NLRP4: variants seen among roughly 807,000 people sequenced by gnomAD.
NLRP4 encodes NLR family pyrin domain containing 4.
Under a neutral mutation model 84.7 loss-of-function variants are expected in NLRP4, and 44 were observed. The ratio of observed to expected loss-of-function variants is 0.52; its 90% CI spans 0.41 to 0.67. The LOEUF (loss-of-function observed/expected upper bound fraction) is 0.67, where lower values mean the gene tolerates loss of function less well. Among genes scored for constraint, NLRP4 ranks in the 30% least tolerant of loss-of-function variants. NLRP4 has a pLI of 0.00. For synonymous variants in NLRP4, 544 were observed against 476.4 expected (o/e 1.14, Z -1.85); for missense variants, 1,260 against 1,219.4 (o/e 1.03, Z -0.50).
chr19:55,857,145 G>A (rs977260024), intron 2 of NLRP4, among the ~76,000 whole-genome samples: 1 of 152,112 alleles, frequency 6.6e-6, no homozygotes, highest in Non-Finnish European at 1.5e-5. Flanking sequence ...TTATTTAACT[G>A]GTCTTGATAG....
intron 5 of NLRP4, among the ~76,000 whole-genome samples, chr19:55,865,944 T>C (rs1984937745): frequency 6.6e-6 from 1 of 152,232 alleles, no homozygotes; most frequent in Non-Finnish European, 1.5e-5. Flanking sequence ...CTTTATTTTT[T>C]TCTTTTGTCT....
intron 1 of NLRP4, among the ~76,000 whole-genome samples, chr19:55,842,175 C>CT (rs1469452751): frequency 1.3e-5 from 2 of 152,132 alleles, no homozygotes. Context: ...AGTCTTTCAA[C>CT]TTTCGTTTTT....
chr19:55,861,715 GGTT>G (rs1328722924), intron 4 of NLRP4, among the ~76,000 whole-genome samples, 168 bp downstream of exon 4: 1 of 152,222 alleles, frequency 6.6e-6, no homozygotes, highest in African/African-American at 2.4e-5. Context: ...TCATCATAGG[GGTT>G]GTTCTGTGCG....
At chr19:55,851,018 C>T (rs1245756394) in intron 1 of NLRP4, among the ~76,000 whole-genome samples, 2 of 128,356 alleles carry the variant, frequency 1.6e-5, no homozygotes, top group South Asian at 2.5e-4. Flanking sequence ...TCCGTGGCTG[C>T]GGTGTAATGT....
chr19:55,849,730 C>A (rs1238166881), intron 1 of NLRP4, among the ~76,000 whole-genome samples: 1 of 152,192 alleles, frequency 6.6e-6, no homozygotes, highest in Admixed American at 6.5e-5. Context: ...TCTATATTTA[C>A]AGTGTAATTT....
At position 55,858,942 on chromosome 19, in the gene NLRP4, G is replaced by T; in HGVS notation, c.1549G>T (p.Ala517Ser). ...TAAAAAGGAACAAGAAAAACTGGATGCGTTTTTTGGCTTCCAACTGTCCCA... is the reference window on the plus strand; with the variant it reads ...TAAAAAGGAACAAGAAAAACTGGATTCGTTTTTTGGCTTCCAACTGTCCCA... Reference protein sequence around the residue: ...LNKKEQEKLDAFFGFQLSQEI... With the variant: ...LNKKEQEKLDSFFGFQLSQEI... Residue 517 changes from alanine (A) to serine (S), a missense_variant, in exon 3 of 10, where the codon GCG becomes TCG. Ala to Ser is a moderately conservative substitution (Grantham distance 99, BLOSUM62 1). Transcript: ENST00000301295. This position sits in a 1 kb window ranked among gnomAD's most constrained non-coding sequence, Gnocchi z 4.2. 6.2e-7 allele frequency: 1 copy of T among 1,614,002 alleles called. No individual in the cohort carries two copies. The highest frequency in any genetic ancestry group is 8.5e-7 in the Non-Finnish European group (1 of 1,179,874).
Position 55,865,882 on chromosome 19 carries a change from TTTC to T in NLRP4, c.2187-1824_2187-1822del, listed in dbSNP as rs1984934699. On this transcript the variant is annotated intron_variant, in intron 5 of 9. Transcript: ENST00000301295. ...GCCATTCTGTGAGTTGTCGTTTCAC[TTTC>T]TTAATGGTGTCCTTTGAAGCACAAA... Among the ~76,000 whole-genome samples, 5 of 152,338 alleles carry T rather than the reference TTTC, an allele frequency of 3.3e-5. No homozygotes were observed. The South Asian group carries it at 1.0e-3, about 32-fold the overall frequency.
rs148854664 is a variant in NLRP4 at position 55,873,844 on chromosome 19, G to A, written c.2525+2847G>A. Reference sequence around the variant, plus strand: ...TCCCATATAGAGTCCAGGAATCTAAGAGAAATCATAATGGAAATTAGAACA... The same window carrying A: ...TCCCATATAGAGTCCAGGAATCTAAAAGAAATCATAATGGAAATTAGAACA... On this transcript the variant is annotated intron_variant, in intron 7 of 9. Transcript: ENST00000301295. Among the ~76,000 whole-genome samples the A allele has an allele frequency of 3.5e-3, 532 of 152,178 alleles. 2 individuals carry two copies. The highest frequency in any genetic ancestry group is 0.012 in the African/African-American group (503 of 41,534).
intron 8 of NLRP4, among the ~76,000 whole-genome samples, chr19:55,878,474 T>TTG (rs1353375247): frequency 1.3e-5 from 2 of 151,750 alleles, no homozygotes; most frequent in African/African-American, 4.8e-5. Context: ...GCTTCCATTG[T>TTG]TATCTGAGAC....
intron 6 of NLRP4, among the ~76,000 whole-genome samples, chr19:55,869,799 C>T (rs1439870253): frequency 2.0e-5 from 3 of 147,888 alleles, no homozygotes; most frequent in African/African-American, 7.5e-5. Context: ...AAAAAAAATT[C>T]ATAAACTGGC....
At chr19:55,851,272 AGGCTGCGGTGTAATGTCCGT>A (rs1285912440) in intron 1 of NLRP4, among the ~76,000 whole-genome samples, 1 of 32,604 alleles carries the variant, frequency 3.1e-5, no homozygotes. Context: ...GTAATTTACG[AGGCTGCGGTGTAATGTCCGT>A]GGCTGCGGTG....
chr19:55,846,041 G>A (rs1983781035), intron 1 of NLRP4, among the ~76,000 whole-genome samples: 1 of 152,164 alleles, frequency 6.6e-6, no homozygotes. Flanking sequence ...GATCCCATTT[G>A]TCAATTTTGT....
At chr19:55,844,574 C>T (rs937749029) in intron 1 of NLRP4, among the ~76,000 whole-genome samples, 1 of 152,174 alleles carries the variant, frequency 6.6e-6, no homozygotes, top group Non-Finnish European at 1.5e-5. Context: ...CTGTGCCCGG[C>T]CAGATTTTCC....
intron 2 of NLRP4, 115 bp downstream of exon 2, chr19:55,852,475 G>GTT: frequency 5.3e-6 from 3 of 561,418 alleles, no homozygotes; most frequent in Non-Finnish European, 8.9e-6. Context: ...GAAAATATTA[G>GTT]GTTTTTTTTT....
At chr19:55,837,282 G>GA (rs1568651618) in intron 1 of NLRP4, among the ~76,000 whole-genome samples, 1 of 152,012 alleles carries the variant, frequency 6.6e-6, no homozygotes, top group Non-Finnish European at 1.5e-5. Flanking sequence ...CCTGGGAGAT[G>GA]AAAAACTGTA....
At chr19:55,864,761 T>C (rs1285389812) in intron 5 of NLRP4, among the ~76,000 whole-genome samples, 1 of 152,070 alleles carries the variant, frequency 6.6e-6, no homozygotes, top group Admixed American at 6.5e-5. Context: ...TATTTACTTA[T>C]TTTTTATTAT....
In NLRP4 at chr19:55,858,480, C is replaced by A; in HGVS notation, c.1087C>A (p.Leu363Met). Residue 363 changes from leucine (L) to methionine (M), a missense_variant, in exon 3 of 10, where the codon CTG (leucine) becomes ATG (methionine). Transcript: ENST00000301295. The surrounding 1 kb of genome is among the most constrained non-coding windows in gnomAD (Gnocchi z 4.2). ...QEMQKGKDLALTCQSTTSVYS... is the reference protein window; with the variant it reads ...QEMQKGKDLAMTCQSTTSVYS... ...GATGCAGAAAGGAAAAGACCTGGCC[C>A]TGACCTGCCAGAGCACTACCTCTGT... 6.2e-7 allele frequency: 1 copy of A among 1,614,158 alleles called. No homozygotes were observed. Among genetic ancestry groups the A allele is most frequent in the African/African-American group, 1.3e-5 (1 of 75,050 alleles).
chr19:55,867,706 C>T lies in NLRP4; in HGVS notation c.2187-3C>T. The T allele has an allele frequency of 6.2e-7, 1 of 1,611,768 alleles. No individual in the cohort carries two copies. On this transcript the variant is annotated splice_region_variant and splice_polypyrimidine_tract_variant and intron_variant, in intron 5 of 9. Coordinates refer to ENST00000301295, the MANE Select transcript of NLRP4 (RefSeq NM_134444.5). ...AGAATGTGACATTTTCCCTTTCCTGCAGGCTGGTAAATTGTCACCTCTCAC... is the reference window on the plus strand; with the variant it reads ...AGAATGTGACATTTTCCCTTTCCTGTAGGCTGGTAAATTGTCACCTCTCAC...
intron 1 of NLRP4, among the ~76,000 whole-genome samples, chr19:55,841,231 C>G (rs770447403): frequency 2.0e-5 from 3 of 152,160 alleles, no homozygotes; most frequent in Admixed American, 6.5e-5. Flanking sequence ...CTAGAACTTG[C>G]GCTTTCTAAC....
Sources: allele counts gnomAD v4.1 joint callset (sites outside exome capture counted in the v4.1 genomes callset), GRCh38; gene constraint gnomAD v4.1.1; non-coding constraint Gnocchi (gnomAD v3.1); transcripts MANE v1.5; gene names NCBI Gene and HGNC (gene_info 2026-07-23, HGNC 2026-07-21).